The following NBEA variants were observed in gnomAD, a reference collection of about 807,000 sequenced individuals.
NBEA encodes the protein neurobeachin.
In NBEA, 44 loss-of-function variants were observed where a neutral mutation model predicts 343.4. The ratio of observed to expected loss-of-function variants is 0.13; its 90% CI spans 0.10 to 0.16. NBEA has a LOEUF of 0.16. Among genes scored for constraint, NBEA ranks in the 10% least tolerant of loss-of-function variants. NBEA has a pLI of 1.00. For missense variants in NBEA, 2,555 were observed against 3,631.3 expected (o/e 0.70, Z 7.62); for synonymous variants, 1,175 against 1,238.7 (o/e 0.95, Z 1.08).
intron 34 of NBEA, among the ~76,000 whole-genome samples, chr13:35,254,534 C>T (rs1210044831): frequency 6.6e-6 from 1 of 151,916 alleles, no homozygotes; most frequent in Non-Finnish European, 1.5e-5. Context: ...GTTATCAAAG[C>T]TGGTCTTGAA....
Position 35,238,755 on chromosome 13 carries a change from G to A in NBEA, c.5776+6136G>A, listed in dbSNP as rs78848996. On this transcript the variant is annotated intron_variant, in intron 34 of 58. Transcript: ENST00000379939. ...TGTTAGCAGTGCAGGAAATTTCACT[G>A]AAGGGTCCACTCTACTTTTGGTGGC... 9.7e-4 allele frequency among the ~76,000 whole-genome samples: 148 copies of A among 152,242 alleles called. 4 individuals are homozygous for A. The East Asian group carries it at 0.024, about 24-fold the overall frequency.
At chr13:35,640,406 C>T (rs896300974) in intron 49 of NBEA, among the ~76,000 whole-genome samples, 1 of 152,186 alleles carries the variant, frequency 6.6e-6, no homozygotes. Flanking sequence ...TTACAAAAGG[C>T]ACTCCTTTCT....
rs529794075 is a variant in NBEA at position 35,240,000 on chromosome 13, A to G, written c.5776+7381A>G. Among the ~76,000 whole-genome samples the G allele has an allele frequency of 1.1e-4, 16 of 151,660 alleles. No individual in the cohort carries two copies. The South Asian group carries it at 3.1e-3, about 29-fold the overall frequency. ...CCAAGATGGAGCAGTTTGAGCATCC[A>G]TAAATCTATTAGGTTGGTGCAAAAG... On this transcript the variant is annotated intron_variant, in intron 34 of 58. Coordinates refer to ENST00000379939, the MANE Select transcript of NBEA (RefSeq NM_001385012.1).
intron 45 of NBEA, among the ~76,000 whole-genome samples, chr13:35,569,369 T>C (rs2080286940): frequency 6.6e-6 from 1 of 152,176 alleles, no homozygotes; most frequent in African/African-American, 2.4e-5. Context: ...CATTATAAAA[T>C]ATATATACGA....
At chr13:35,351,533 A>G (rs974574937) in intron 37 of NBEA, among the ~76,000 whole-genome samples, 4 of 152,050 alleles carry the variant, frequency 2.6e-5, no homozygotes, top group African/African-American at 9.6e-5. Context: ...GGTAAGAATA[A>G]GGTAGTAGTT....
intron 41 of NBEA, among the ~76,000 whole-genome samples, chr13:35,535,136 T>C (rs965363107): frequency 1.3e-5 from 2 of 152,164 alleles, no homozygotes; most frequent in Non-Finnish European, 2.9e-5. Flanking sequence ...AGGTACTCAT[T>C]TGCCAGCAAG....
chr13:35,599,642 A>G (rs2081964177), intron 47 of NBEA, among the ~76,000 whole-genome samples: 1 of 152,216 alleles, frequency 6.6e-6, no homozygotes, highest in Admixed American at 6.5e-5. Flanking sequence ...GAAGCCTTGC[A>G]GTGTCACCTT....
intron 38 of NBEA, among the ~76,000 whole-genome samples, chr13:35,396,326 A>C (rs1299599639): frequency 2.0e-5 from 3 of 150,644 alleles, no homozygotes; most frequent in Non-Finnish European, 4.4e-5. Flanking sequence ...CTGTGTGTCT[A>C]CTCTGTTTAT....
chr13:35,526,832 G>C (rs1347535557), intron 41 of NBEA, among the ~76,000 whole-genome samples: 1 of 152,198 alleles, frequency 6.6e-6, no homozygotes, highest in Non-Finnish European at 1.5e-5. Flanking sequence ...CACTGGCACA[G>C]GTGCTGGCTC....
In NBEA at chr13:35,082,482, G is replaced by A. The variant is rs2064467123; in HGVS notation, c.1571+11630G>A. On this transcript the variant is annotated intron_variant, in intron 10 of 58. Coordinates refer to ENST00000379939, the MANE Select transcript of NBEA (RefSeq NM_001385012.1). Reference sequence around the variant, plus strand: ...GATATTTCTAGTTCTAGATCCCTGAGGAATCGCCACACTGACTTCCACAAT... The same window carrying A: ...GATATTTCTAGTTCTAGATCCCTGAAGAATCGCCACACTGACTTCCACAAT... Among the ~76,000 whole-genome samples, 3 of 152,288 alleles carry A rather than the reference G, an allele frequency of 2.0e-5. 1 individual carries two copies. The South Asian group carries it at 6.2e-4, about 32-fold the overall frequency.
In NBEA at chr13:34,967,418, A is replaced by G. The variant is rs111905919; in HGVS notation, c.294+24304A>G. Among the ~76,000 whole-genome samples, 1,361 of 152,072 alleles carry G rather than the reference A, an allele frequency of 8.9e-3. 20 individuals carry two copies. The highest frequency in any genetic ancestry group is 0.031 in the African/African-American group (1,284 of 41,514). ...AGATAAGAAGCACTGCAATAGAAAC[A>G]TACTTTAAGAAGCCTCTTTTTGGAA... On this transcript the variant is annotated intron_variant, in intron 1 of 58. Transcript: ENST00000379939.
At chr13:35,320,921 G>C (rs1022589022) in intron 36 of NBEA, among the ~76,000 whole-genome samples, 3 of 151,896 alleles carry the variant, frequency 2.0e-5, no homozygotes, top group Non-Finnish European at 2.9e-5. Context: ...AAGTTCTCGT[G>C]TTGTGTTTTT....
At chr13:35,104,644 C>T (rs1258911329) in intron 11 of NBEA, among the ~76,000 whole-genome samples, 1 of 131,402 alleles carries the variant, frequency 7.6e-6, no homozygotes, top group African/African-American at 3.7e-5. Context: ...AATTTCTTAA[C>T]TAATAACAGG....
chr13:35,570,065 G>C lies in NBEA; in HGVS notation c.7035+3048G>C, dbSNP rs550739090. Among the ~76,000 whole-genome samples, 13 of 152,188 alleles carry C rather than the reference G, an allele frequency of 8.5e-5. No homozygotes were observed. In the East Asian group the frequency reaches 2.5e-3, roughly 29 times the overall value. Reference sequence around the variant, plus strand: ...TTGCTTGCTTTTGAGACGGAGTCTCGCTCTGTCGCCCAGGCTGGAGTGCAG... The same window carrying C: ...TTGCTTGCTTTTGAGACGGAGTCTCCCTCTGTCGCCCAGGCTGGAGTGCAG... On this transcript the variant is annotated intron_variant, in intron 45 of 58. Coordinates refer to ENST00000379939, the MANE Select transcript of NBEA (RefSeq NM_001385012.1).
chr13:35,496,599 A>G (rs2076686171), intron 41 of NBEA, among the ~76,000 whole-genome samples: 1 of 146,016 alleles, frequency 6.8e-6, no homozygotes, highest in Admixed American at 7.1e-5. Context: ...TCACCACTGC[A>G]CTCCAGCCTG....
At chr13:35,241,721 C>A (rs1470202723) in intron 34 of NBEA, among the ~76,000 whole-genome samples, 1 of 151,772 alleles carries the variant, frequency 6.6e-6, no homozygotes, top group Non-Finnish European at 1.5e-5. Flanking sequence ...GCTAATAAAT[C>A]AATTAAGATT....
intron 36 of NBEA, among the ~76,000 whole-genome samples, chr13:35,311,058 T>A (rs1437620974): frequency 6.6e-6 from 1 of 152,142 alleles, no homozygotes; most frequent in East Asian, 1.9e-4. Context: ...AAATTTAAAA[T>A]AGGCTTTGCA....
At chr13:35,440,238 T>C (rs942155149) in intron 39 of NBEA, among the ~76,000 whole-genome samples, 1 of 152,166 alleles carries the variant, frequency 6.6e-6, no homozygotes, top group African/African-American at 2.4e-5. Context: ...TTCATCACTT[T>C]GGGTAACAAC....
intron 38 of NBEA, among the ~76,000 whole-genome samples, chr13:35,358,009 T>G (rs2040591352): frequency 6.6e-6 from 1 of 152,138 alleles, no homozygotes; most frequent in East Asian, 1.9e-4. Flanking sequence ...ATTTTATTTG[T>G]TTTATCAACA....
Sources: gnomAD v4.1 joint callset for allele counts (sites outside exome capture counted in the v4.1 genomes callset) on GRCh38, gnomAD v4.1.1 for gene constraint, MANE v1.5 for transcripts, NCBI Gene and HGNC (gene_info 2026-07-23, HGNC 2026-07-21) for gene names.